The following CEP350 variants were observed in gnomAD, a reference collection of about 807,000 sequenced individuals.
CEP350 encodes the protein centrosomal protein 350.
In CEP350, 126 loss-of-function variants were observed where a neutral mutation model predicts 331.8. The ratio of observed to expected loss-of-function variants is 0.38; its 90% CI spans 0.33 to 0.44. CEP350 has a LOEUF of 0.44. Ranked by LOEUF, CEP350 falls within the 20% of genes least tolerant of loss-of-function variation. The pLI, the probability that CEP350 is intolerant of heterozygous loss-of-function variation, is 1.00. For synonymous variants in CEP350, 1,200 were observed against 1,259.5 expected (o/e 0.95, Z 1.00); for missense variants, 3,406 against 3,634.6 (o/e 0.94, Z 1.62).
At chr1:180,090,692 C>T in intron 32 of CEP350, 22 bp from the exon 33 acceptor site, 1 of 1,529,436 alleles carries the variant, frequency 6.5e-7, no homozygotes, top group Non-Finnish European at 8.8e-7. Flanking sequence ...TTTATTTCTG[C>T]TCATTAATTT....
rs368260602 is a variant in CEP350 at position 180,093,859 on chromosome 1, A to T, written c.7754A>T (p.Asp2585Val). The change falls in exon 34 of 38, where the codon GAT becomes GTT. Residue 2585 changes from aspartate (D) to valine (V), a missense_variant. Physicochemically the swap from Asp to Val is radical, Grantham distance 152. Coordinates refer to ENST00000367607, the MANE Select transcript of CEP350 (RefSeq NM_014810.5). The part of the protein sequence containing the change: ...DINEDEDCYS[D>V]ERYQCYNQEQ... ...AATGAAGATGAAGACTGTTACTCAG[A>T]TGAACGATATCAGTGCTATAATCAA... 1 of 1,613,932 alleles carries T rather than the reference A, an allele frequency of 6.2e-7. No homozygotes were observed. The highest frequency in any genetic ancestry group is 8.5e-7 in the Non-Finnish European group (1 of 1,179,876).
At chr1:180,022,568 G>T in intron 12 of CEP350, 130 bp from the exon 13 acceptor site, 1 of 680,738 alleles carries the variant, frequency 1.5e-6, no homozygotes, top group Non-Finnish European at 2.5e-6. Context: ...AAGGTAAATA[G>T]AAAAGAGGCA....
At chr1:179,999,344 A>G (rs909910510) in intron 6 of CEP350, among the ~76,000 whole-genome samples, 8 of 151,964 alleles carry the variant, frequency 5.3e-5, no homozygotes, top group Non-Finnish European at 1.0e-4. Context: ...TCCTTTTACT[A>G]TTTTTTTAAT....
chr1:180,077,456 T>C (rs2149071556), intron 28 of CEP350, among the ~76,000 whole-genome samples: 1 of 151,616 alleles, frequency 6.6e-6, no homozygotes, highest in Admixed American at 6.6e-5. Flanking sequence ...CATACATCAC[T>C]TGAGCTCAAG....
intron 1 of CEP350, among the ~76,000 whole-genome samples, chr1:179,983,766 C>G (rs1228547439): frequency 6.6e-6 from 1 of 152,064 alleles, no homozygotes; most frequent in East Asian, 1.9e-4. Context: ...TAATGTTTAT[C>G]AAATATGACA....
chr1:180,075,105 C>T lies in CEP350; in HGVS notation c.5651C>T (p.Ala1884Val), dbSNP rs1275255903. ...CTAGAGTGGAAGCGACGTTTAGATG[C>T]AGAAGAAGCAGAAATTCGTCAAATG... ...ELLEWKRRLD[A>V]EEAEIRQMEK... is the part of the protein sequence containing the mutation. The change falls in exon 28 of 38, where the codon GCA becomes GTA. Residue 1884 changes from alanine to valine, a missense_variant. By Grantham distance (64) the Ala-to-Val change is moderately conservative. This residue lies in a region of CEP350 where 1,415 missense variants were observed against 1,512.3 expected (regional missense o/e 0.94). Coordinates refer to ENST00000367607, the MANE Select transcript of CEP350 (RefSeq NM_014810.5). The T allele has an allele frequency of 3.7e-6, 6 of 1,613,424 alleles. No individual in the cohort carries two copies. The highest frequency in any genetic ancestry group is 5.1e-6 in the Non-Finnish European group (6 of 1,179,678).
chr1:180,109,623 ATG>A (rs1661367341), intron 37 of CEP350, among the ~76,000 whole-genome samples: 1 of 151,534 alleles, frequency 6.6e-6, no homozygotes, highest in African/African-American at 2.4e-5. Flanking sequence ...AGCAAATCTA[ATG>A]TGTTTTTTTT....
In CEP350 at chr1:179,987,230, T is replaced by C. The variant is rs549044717; in HGVS notation, c.74-10T>C. On this transcript the variant is annotated splice_polypyrimidine_tract_variant and intron_variant, in intron 2 of 37. Transcript: ENST00000367607. ...TTGATTGATAAAGTAAATATCATTT[T>C]TTTTCCCAGCAGATATAACCACATC... The C allele has an allele frequency of 2.0e-5, 30 of 1,485,762 alleles. No homozygotes were observed. In the Admixed American group the frequency reaches 2.2e-4, roughly 11 times the overall value. 92.0% of individuals were successfully genotyped at this position (1,485,762 alleles called of 1,614,324 possible).
rs1026564359 is a variant in CEP350 at position 179,981,133 on chromosome 1, A to T, written c.-13-5036A>T. On this transcript the variant is annotated intron_variant, in intron 1 of 37. Transcript: ENST00000367607. ...AACCATGAACTTTTATATACCAAAT[A>T]ATATCAAGTTATTTAGAAGTTAAAT... 2.0e-5 allele frequency among the ~76,000 whole-genome samples: 3 copies of T among 152,200 alleles called. No homozygotes were observed. In the South Asian group the frequency reaches 6.2e-4, roughly 31 times the overall value.
Position 180,033,915 on chromosome 1 carries a change from C to G in CEP350, c.3779C>G (p.Pro1260Arg). ...AAAACTCCAACTTCTCCCCTGTCAC[C>G]AAGTTCCCAGAAATCATTGCAGTTT... Reference protein sequence around the residue: ...SQKTPTSPLSPSSQKSLQFDV... With the variant: ...SQKTPTSPLSRSSQKSLQFDV... The change falls in exon 16 of 38, where the codon CCA (proline) becomes CGA (arginine). Residue 1260 changes from proline to arginine, a missense_variant. Transcript: ENST00000367607. 1 of 1,613,900 alleles carries G rather than the reference C, an allele frequency of 6.2e-7. No homozygotes were observed. Among genetic ancestry groups the G allele is most frequent in the Non-Finnish European group, 8.5e-7 (1 of 1,179,838 alleles).
At chr1:180,080,313 C>A (rs1275325320) in intron 29 of CEP350, among the ~76,000 whole-genome samples, 1 of 151,934 alleles carries the variant, frequency 6.6e-6, no homozygotes, top group African/African-American at 2.4e-5. Context: ...AAAATGAGGT[C>A]TTATCCTTTA....
chr1:180,092,721 T>C lies in CEP350; in HGVS notation c.6616T>C (p.Ser2206Pro). 1 of 1,610,398 alleles carries C rather than the reference T, an allele frequency of 6.2e-7. No homozygotes were observed. Among genetic ancestry groups the C allele is most frequent in the South Asian group, 1.1e-5 (1 of 90,400 alleles). The change falls in exon 34 of 38, where the codon TCT becomes CCT. Residue 2206 changes from serine to proline, a missense_variant. Physicochemically the swap from Ser to Pro is moderately conservative, Grantham distance 74. Coordinates refer to ENST00000367607, the MANE Select transcript of CEP350 (RefSeq NM_014810.5). ...DSRTEDFQTP[S>P]PVLRSSRKIR... ...TCGAACAGAAGATTTTCAGACCCCA[T>C]CTCCAGTTCTCAGATCATCAAGGAA...
In CEP350 at chr1:180,084,001, T is replaced by G. The variant is rs1181250176; in HGVS notation, c.6125-17T>G. ...TTAAGTCAAAATTATAAATAAAAGA[T>G]TTTGTATCTCTTTCAGAAACTACAT... is the stretch of plus-strand genomic sequence containing the variant. On this transcript the variant is annotated splice_polypyrimidine_tract_variant and intron_variant, in intron 30 of 37. Transcript: ENST00000367607. The G allele has an allele frequency of 7.3e-7, 1 of 1,377,610 alleles. No homozygotes were observed. The highest frequency in any genetic ancestry group is 1.5e-5 in the African/African-American group (1 of 67,982). 85.3% of individuals were successfully genotyped at this position (1,377,610 alleles called of 1,614,324 possible).
chr1:179,968,926 A>G, intron 1 of CEP350: 3 of 757,444 alleles, frequency 4.0e-6, no homozygotes, highest in Non-Finnish European at 7.2e-6. Flanking sequence ...TGCTGCTGCC[A>G]CTGGAGCCAC....
chr1:179,966,536 A>G (rs1410744188), intron 1 of CEP350, among the ~76,000 whole-genome samples: 1 of 152,192 alleles, frequency 6.6e-6, no homozygotes, highest in East Asian at 1.9e-4. Context: ...CCTTTGATCA[A>G]CTTAGCCAAT....
At chr1:180,041,629 A>G (rs763701957) in intron 18 of CEP350, 33 bp from the exon 19 acceptor site, 3 of 1,586,410 alleles carry the variant, frequency 1.9e-6, no homozygotes, top group Non-Finnish European at 2.6e-6. Flanking sequence ...AGATTAAAAC[A>G]TAACTTCTTT....
At chr1:180,015,029 AT>A (rs1654882590) in intron 10 of CEP350, among the ~76,000 whole-genome samples, 1 of 152,152 alleles carries the variant, frequency 6.6e-6, no homozygotes, top group Admixed American at 6.5e-5. Context: ...GAGAAAATAT[AT>A]TGACTATTCA....
chr1:180,105,686 T>G lies in CEP350; in HGVS notation c.9190-5311T>G, dbSNP rs571605366. ...TGTTAATGTGGTGTATCATATTTAT[T>G]GATTGTGTATGCAATAAATCCCATT... On this transcript the variant is annotated intron_variant, in intron 37 of 37. Transcript: ENST00000367607. 8.3e-4 allele frequency among the ~76,000 whole-genome samples: 126 copies of G among 152,356 alleles called. 1 individual carries two copies. The highest frequency in any genetic ancestry group is 3.0e-3 in the African/African-American group (125 of 41,580).
intron 5 of CEP350, among the ~76,000 whole-genome samples, chr1:179,994,125 TGAAA>T (rs1479371333): frequency 4.6e-5 from 7 of 152,218 alleles, no homozygotes; most frequent in African/African-American, 1.7e-4. Flanking sequence ...ACAGAAAAGT[TGAAA>T]GAATTGTATA....
Sources: allele counts gnomAD v4.1 joint callset (sites outside exome capture counted in the v4.1 genomes callset), GRCh38; gene constraint gnomAD v4.1.1; regional missense constraint gnomAD v4.1.1; transcripts MANE v1.5; gene names NCBI Gene and HGNC (gene_info 2026-07-23, HGNC 2026-07-21).